CRTAC1: variants seen among roughly 807,000 people sequenced by gnomAD.
The protein encoded by CRTAC1 is acidic secreted protein in cartilage.
CRTAC1 carries 37 observed loss-of-function variants against 67.8 expected under a neutral mutation model. The ratio of observed to expected loss-of-function variants is 0.55; its 90% confidence interval spans 0.42 to 0.72. CRTAC1 has a LOEUF of 0.72. Among genes scored for constraint, CRTAC1 ranks in the 30% least tolerant of loss-of-function variants. The pLI, the probability that CRTAC1 is intolerant of heterozygous loss-of-function variation, is 0.00. For synonymous variants in CRTAC1, 348 were observed against 371.0 expected (o/e 0.94, Z 0.71); for missense variants, 780 against 931.6 (o/e 0.84, Z 2.12).
At chr10:98,021,844 T>G (rs1843127657) in intron 1 of CRTAC1, among the ~76,000 whole-genome samples, 1 of 152,204 alleles carries the variant, frequency 6.6e-6, no homozygotes. Context: ...CTAATTTGTC[T>G]AGGGGACCCT....
intron 14 of CRTAC1, chr10:97,879,865 T>TGGGGGAGGGGGG: frequency 4.4e-6 from 1 of 226,626 alleles, no homozygotes; most frequent in East Asian, 9.8e-5. Flanking sequence ...GGGGACGGGG[T>TGGGGGAGGGGGG]GGGGGTGGAG....
At chr10:97,882,346 C>A (rs892211102) in intron 13 of CRTAC1, among the ~76,000 whole-genome samples, 1 of 152,218 alleles carries the variant, frequency 6.6e-6, no homozygotes, top group Non-Finnish European at 1.5e-5. Context: ...CTGCACCAGG[C>A]TGCAGTCTCC....
intron 14 of CRTAC1, among the ~76,000 whole-genome samples, chr10:97,876,945 GTTTTTTT>G (rs71007368): frequency 3.7e-5 from 2 of 53,406 alleles, no homozygotes; most frequent in Admixed American, 3.1e-4. Context: ...AGGAGGCTCT[GTTTTTTT>G]TTTTTTTTTT....
chr10:97,882,660 C>T (rs966100214), intron 13 of CRTAC1, 126 bp downstream of exon 13: 5 of 972,074 alleles, frequency 5.1e-6, no homozygotes, highest in Admixed American at 2.0e-5. Context: ...CCAGGACAAA[C>T]AACACCCTCC....
chr10:97,909,868 A>G (rs1014222427), intron 5 of CRTAC1, among the ~76,000 whole-genome samples: 3 of 152,250 alleles, frequency 2.0e-5, no homozygotes, highest in Admixed American at 6.5e-5. Flanking sequence ...ATAGAGTATT[A>G]CTCAGCCTTA....
At chr10:97,958,332 A>G (rs908486507) in intron 2 of CRTAC1, among the ~76,000 whole-genome samples, 1 of 152,196 alleles carries the variant, frequency 6.6e-6, no homozygotes, top group African/African-American at 2.4e-5. Flanking sequence ...TCTCTCAAAG[A>G]TACCTCAGTG....
At chr10:98,011,968 T>C (rs1842918376) in intron 1 of CRTAC1, among the ~76,000 whole-genome samples, 1 of 152,158 alleles carries the variant, frequency 6.6e-6, no homozygotes, top group Admixed American at 6.5e-5. Context: ...ACTGTTCTCC[T>C]GTGGTACATA....
At chr10:97,928,840 T>A (rs144354548) in intron 3 of CRTAC1, among the ~76,000 whole-genome samples, 324 of 151,904 alleles carry the variant, frequency 2.1e-3, no homozygotes, top group African/African-American at 7.5e-3. Flanking sequence ...AGGCAAAGCA[T>A]GGCAGGGCAG....
At chr10:97,986,630 T>A (rs1378707375) in intron 2 of CRTAC1, among the ~76,000 whole-genome samples, 1 of 152,228 alleles carries the variant, frequency 6.6e-6, no homozygotes, top group East Asian at 1.9e-4. Context: ...ATCTTAGAAT[T>A]GAAAAATCAG....
chr10:97,966,058 G>T (rs756753920), intron 2 of CRTAC1, among the ~76,000 whole-genome samples: 1 of 152,206 alleles, frequency 6.6e-6, no homozygotes, highest in South Asian at 2.1e-4. Flanking sequence ...TAGAGCCAAG[G>T]CCACTACATA....
At chr10:97,884,444 A>G in intron 11 of CRTAC1, 93 bp from the exon 12 acceptor site, 1 of 1,211,412 alleles carries the variant, frequency 8.3e-7, no homozygotes, top group East Asian at 2.6e-5. Flanking sequence ...CATTGAATAA[A>G]AGCATGAATT....
chr10:97,959,976 G>T (rs1284618790), intron 2 of CRTAC1, among the ~76,000 whole-genome samples: 1 of 152,208 alleles, frequency 6.6e-6, no homozygotes, highest in Non-Finnish European at 1.5e-5. Flanking sequence ...TTTTTACTTG[G>T]GGCTGGCCCC....
intron 8 of CRTAC1, among the ~76,000 whole-genome samples, chr10:97,898,425 C>T (rs612825): frequency 0.057 from 8,659 of 152,230 alleles, 287 homozygotes; most frequent in Middle Eastern, 0.095. Context: ...GAGCACATGT[C>T]GCTCAGATGA....
chr10:97,935,972 A>T (rs1460082894), intron 3 of CRTAC1, among the ~76,000 whole-genome samples, 198 bp downstream of exon 3: 1 of 152,032 alleles, frequency 6.6e-6, no homozygotes, highest in Non-Finnish European at 1.5e-5. Flanking sequence ...GTTTCAGGAG[A>T]TGAGACCTAC....
chr10:97,930,971 T>C (rs1257026555), intron 3 of CRTAC1, among the ~76,000 whole-genome samples: 2 of 150,910 alleles, frequency 1.3e-5, no homozygotes, highest in East Asian at 3.9e-4. Flanking sequence ...ACTTGTCCTA[T>C]AGACAAAGGG....
At chr10:97,945,952 C>T (rs1442346203) in intron 2 of CRTAC1, among the ~76,000 whole-genome samples, 6 of 152,042 alleles carry the variant, frequency 3.9e-5, no homozygotes, top group Admixed American at 3.9e-4. Context: ...GCTCGATGCC[C>T]TCGGAATTTC....
chr10:97,892,868 A>G (rs2050397772), intron 11 of CRTAC1, among the ~76,000 whole-genome samples: 1 of 152,222 alleles, frequency 6.6e-6, no homozygotes, highest in Non-Finnish European at 1.5e-5. Context: ...TCATATAACC[A>G]GGCTCTGGGT....
chr10:97,955,751 C>T (rs2051429881), intron 2 of CRTAC1, among the ~76,000 whole-genome samples: 1 of 152,106 alleles, frequency 6.6e-6, no homozygotes, highest in Admixed American at 6.5e-5. Flanking sequence ...CTTCTTGGCT[C>T]ATATAGGAGG....
chr10:97,898,426 GCTCA>G (rs1395523981), intron 8 of CRTAC1, among the ~76,000 whole-genome samples: 1 of 152,184 alleles, frequency 6.6e-6, no homozygotes, highest in African/African-American at 2.4e-5. Context: ...AGCACATGTC[GCTCA>G]GATGAAGAGG....
Sources: gnomAD v4.1 joint callset for allele counts (sites outside exome capture counted in the v4.1 genomes callset) on GRCh38, gnomAD v4.1.1 for gene constraint, MANE v1.5 for transcripts, NCBI Gene and HGNC (gene_info 2026-07-23, HGNC 2026-07-21) for gene names.